Variants in RNF14 observed in about 807,000 individuals in gnomAD.
RNF14 encodes the protein E3 ubiquitin-protein ligase RNF14.
In RNF14, 26 loss-of-function variants were observed where a neutral mutation model predicts 52.6. The observed-to-expected ratio is 0.49, with a 90% CI of 0.36 to 0.69. RNF14 has a LOEUF of 0.69. Ranked by LOEUF, RNF14 falls within the 30% of genes least tolerant of loss-of-function variation. The pLI is 0.00. For synonymous variants in RNF14, 194 were observed against 202.0 expected, an observed-to-expected ratio of 0.96 and a Z score of 0.34; for missense variants, 404 against 560.4, an observed-to-expected ratio of 0.72 and a Z score of 2.82.
chr5:141,985,055 C>T (rs754445626), intron 8 of RNF14, 122 bp downstream of exon 8: 96 of 894,090 alleles, frequency 1.1e-4, no homozygotes, highest in Non-Finnish European at 1.6e-4. Context: ...ACATGTTTTC[C>T]CCTATAAAGG....
At chr5:141,975,254 G>A (rs951581901) in intron 4 of RNF14, among the ~76,000 whole-genome samples, 3 of 152,104 alleles carry the variant, frequency 2.0e-5, no homozygotes, top group Non-Finnish European at 4.4e-5. Flanking sequence ...TTATAATGGA[G>A]ACTAAGAGGT....
In RNF14 at chr5:141,983,453, T is replaced by C. The variant is rs1436305337; in HGVS notation, c.1137T>C (p.Tyr379=). The change falls in exon 7 of 9, where the codon TAT becomes TAC. Residue 379 remains tyrosine, a synonymous_variant. Transcript: ENST00000394520. The stretch of plus-strand genomic sequence containing the variant: ...ATAAAAGACTTTTGGATCAAAGGTA[T>C]GGTAAGAGAGTGATTCAGAAGGCAC... ...EANKRLLDQR[Y]GKRVIQKALE... 1 of 1,613,848 alleles carries C rather than the reference T, an allele frequency of 6.2e-7. No individual in the cohort carries two copies. The highest frequency in any genetic ancestry group is 8.5e-7 in the Non-Finnish European group (1 of 1,179,964).
chr5:141,974,673 T>C (rs1754086903), intron 3 of RNF14, 131 bp from the exon 4 acceptor site: 1 of 809,462 alleles, frequency 1.2e-6, no homozygotes, highest in Non-Finnish European at 1.9e-6. Flanking sequence ...AATTAAGAAA[T>C]AGAAAGTGCT....
At chr5:141,957,999 A>G (rs1753216709), upstream of RNF14, 4 of 912,162 alleles carry the variant, frequency 4.4e-6, no homozygotes, top group South Asian at 1.8e-5. This position sits in a 1 kb window ranked among gnomAD's most constrained non-coding sequence, Gnocchi z 4.3. Flanking sequence ...TTAGATGATT[A>G]TGAAACAAGC....
chr5:141,955,249 G>T (rs565373949), upstream of RNF14: 7 of 1,614,212 alleles, frequency 4.3e-6, no homozygotes, highest in South Asian at 5.5e-5. This position sits in a 1 kb window ranked among gnomAD's most constrained non-coding sequence, Gnocchi z 5.5. Flanking sequence ...GGCAGGCTGG[G>T]GCTCGGGAAG....
At chr5:141,956,591 C>G (rs1339252501), upstream of RNF14, 7 of 1,614,104 alleles carry the variant, frequency 4.3e-6, no homozygotes, top group East Asian at 2.2e-5. Context: ...GGCCACTGCT[C>G]TCTGTCCAGT....
At chr5:141,963,948 A>G (rs1753295665), upstream of RNF14, among the ~76,000 whole-genome samples, 2 of 152,140 alleles carry the variant, frequency 1.3e-5, no homozygotes, top group Admixed American at 1.3e-4. Context: ...GCTGCTGCTA[A>G]ATCTCACCCC....
chr5:141,949,993 A>G, the RNF14 span, among the ~76,000 whole-genome samples: 4,551 of 152,312 alleles, frequency 0.03, 226 homozygotes, highest in African/African-American at 0.1. Context: ...GCAGCCGTCC[A>G]TCCGTCCGTA....
chr5:141,963,514 G>T (rs997404048), upstream of RNF14, among the ~76,000 whole-genome samples: 2 of 152,030 alleles, frequency 1.3e-5, no homozygotes, highest in Non-Finnish European at 2.9e-5. Flanking sequence ...CTGTTGATTG[G>T]CCTTGTTATG....
intron 4 of RNF14, among the ~76,000 whole-genome samples, chr5:141,975,338 A>C (rs950147199): frequency 6.6e-6 from 1 of 152,240 alleles, no homozygotes; most frequent in South Asian, 2.1e-4. Context: ...GAAAGATTCC[A>C]TTGTAATTAG....
Position 141,961,017 on chromosome 5 carries a change from A to G in RNF14, c.-181+2592A>G, listed in dbSNP as rs376035440. On this transcript the variant is annotated intron_variant, in intron 1 of 4. Transcript: ENST00000506822. ...ATCCACAGCTCCAGCCCCGTGCTACACAGAAGAATACAACAGGAGAAGCTA... is the reference window on the plus strand; with the variant it reads ...ATCCACAGCTCCAGCCCCGTGCTACGCAGAAGAATACAACAGGAGAAGCTA... 1.4e-4 allele frequency among the ~76,000 whole-genome samples: 21 copies of G among 152,332 alleles called. No homozygotes were observed. In the East Asian group the frequency reaches 3.9e-3, roughly 28 times the overall value.
intron 2 of RNF14, among the ~76,000 whole-genome samples, chr5:141,972,234 A>ATT (rs1226222985): frequency 3.0e-3 from 152 of 51,090 alleles, no homozygotes; most frequent in African/African-American, 0.019. Flanking sequence ...CTATTTGGAG[A>ATT]TATTTTTTTT....
At chr5:141,983,644 C>A (rs951875568) in intron 7 of RNF14, 92 bp downstream of exon 7, 84 of 1,073,888 alleles carry the variant, frequency 7.8e-5, no homozygotes, top group Non-Finnish European at 1.1e-4. Flanking sequence ...TTATGACTTA[C>A]AAAACACATG....
Position 141,978,547 on chromosome 5 carries a change from A to G in RNF14, c.551A>G (p.Asp184Gly). ...GATGTAGACCAAGAGGAAATTGTGG[A>G]TGAGAGAGCAGTGCAGGATGTGGAA... ...GSDVDQEEIV[D>G]ERAVQDVESL... Residue 184 changes from aspartate (D) to glycine (G), a missense_variant, in exon 5 of 9, where the codon GAT becomes GGT. By Grantham distance (94) the Asp-to-Gly change is moderately conservative. Coordinates refer to ENST00000394520, the MANE Select transcript of RNF14 (RefSeq NM_004290.5). 6.2e-7 allele frequency: 1 copy of G among 1,614,178 alleles called. No homozygotes were observed. The highest frequency in any genetic ancestry group is 8.5e-7 in the Non-Finnish European group (1 of 1,180,020).
At chr5:141,983,644 CA>C (rs1754979332) in intron 7 of RNF14, 92 bp downstream of exon 7, 1 of 1,073,888 alleles carries the variant, frequency 9.3e-7, no homozygotes, top group African/African-American at 1.6e-5. Flanking sequence ...TTATGACTTA[CA>C]AAACACATGC....
At position 141,974,818 on chromosome 5, in the gene RNF14, T is replaced by C. The variant is rs1009217569; in HGVS notation, c.169T>C (p.Cys57Arg). 6.2e-7 allele frequency: 1 copy of C among 1,613,908 alleles called. No individual in the cohort carries two copies. The highest frequency in any genetic ancestry group is 8.5e-7 in the Non-Finnish European group (1 of 1,179,868). ...TTTTGGTTCAGGCAATTCAAATGAG[T>C]GTCTCCAGAATAGTGGCTTTGAATA... ...KIFVSGNSNE[C>R]LQNSGFEYTI... The change falls in exon 4 of 9, where the codon TGT becomes CGT. Residue 57 changes from cysteine (C) to arginine (R), a missense_variant. By Grantham distance (180) the Cys-to-Arg change is radical. Coordinates refer to ENST00000394520, the MANE Select transcript of RNF14 (RefSeq NM_004290.5).
In RNF14 at chr5:141,990,100, A is replaced by G. The variant is rs1472377950; in HGVS notation, c.*2310A>G. 1 of 152,220 alleles carries G rather than the reference A, an allele frequency of 6.6e-6. No homozygotes were observed. Among genetic ancestry groups the G allele is most frequent in the Non-Finnish European group, 1.5e-5 (1 of 68,034 alleles). The allele number at this position is 152,220 out of a possible 1,614,324, so 9.4% of individuals were successfully genotyped here. On this transcript the variant is annotated 3_prime_UTR_variant, in exon 9 of 9. Transcript: ENST00000394520. ...ATCACTCAATTTTAACAAAGAAAAT[A>G]GGGCTTATAAAGTTATACTTTTGAA...
At chr5:141,949,952 G>T in the RNF14 span, among the ~76,000 whole-genome samples, 1 of 152,170 alleles carries the variant, frequency 6.6e-6, no homozygotes, top group African/African-American at 2.4e-5. Context: ...TGGCACACAG[G>T]AGGAGTTTAG....
At chr5:141,953,617 CG>C (rs1753125592), upstream of RNF14, among the ~76,000 whole-genome samples, 1 of 152,220 alleles carries the variant, frequency 6.6e-6, no homozygotes, top group African/African-American at 2.4e-5. Flanking sequence ...GTCACCTCAG[CG>C]GGGTCACCCA....
Sources: gnomAD v4.1 joint callset for allele counts (sites outside exome capture counted in the v4.1 genomes callset) on GRCh38, gnomAD v4.1.1 for gene constraint, Gnocchi (gnomAD v3.1) non-coding constraint, MANE v1.5 for transcripts, NCBI Gene and HGNC (gene_info 2026-07-23, HGNC 2026-07-21) for gene names.